Variants in ADAMTS17 observed in about 807,000 individuals in gnomAD.
ADAMTS17 encodes A disintegrin and metalloproteinase with thrombospondin motifs 17.
Under a neutral mutation model 141.5 loss-of-function variants are expected in ADAMTS17, and 113 were observed. The ratio of observed to expected loss-of-function variants is 0.80; its 90% CI spans 0.69 to 0.93. ADAMTS17 has a LOEUF of 0.93. Among genes scored for constraint, ADAMTS17 ranks in the 40% least tolerant of loss-of-function variants. The probability of loss-of-function intolerance (pLI) is 0.00; values close to 1 mark genes in which losing one functional copy is unlikely to be tolerated. For synonymous variants in ADAMTS17, 768 were observed against 630.6 expected (o/e 1.22, Z -3.27); for missense variants, 1,659 against 1,517.9 (o/e 1.09, Z -1.54).
chr15:100,027,112 C>T (rs985717843), intron 18 of ADAMTS17, among the ~76,000 whole-genome samples: 5 of 152,168 alleles, frequency 3.3e-5, no homozygotes, highest in African/African-American at 9.7e-5. Context: ...AGTACTCATA[C>T]CTTTGTAAAA....
chr15:100,214,914 A>G (rs2041923192), intron 7 of ADAMTS17, among the ~76,000 whole-genome samples: 1 of 152,268 alleles, frequency 6.6e-6, no homozygotes, highest in East Asian at 1.9e-4. Flanking sequence ...TGACAAGTTC[A>G]TTACTGCCCT....
Position 100,281,304 on chromosome 15 carries a change from C to T in ADAMTS17, c.714G>A (p.Val238=). 1 of 1,609,810 alleles carries T rather than the reference C, an allele frequency of 6.2e-7. No homozygotes were observed. The highest frequency in any genetic ancestry group is 8.5e-7 in the Non-Finnish European group (1 of 1,179,998). ...LTSEHTVETL[V]VADADMVQYH... ...ACTGCACCATGTCGGCGTCGGCCAC[C>T]ACCAGGGTCTCCACCGTGTGCTCGC... The change falls in exon 4 of 22, where the codon GTG becomes GTA. Residue 238 remains valine (V), a synonymous_variant. Transcript: ENST00000268070.
At chr15:100,155,107 G>A (rs777752248) in intron 9 of ADAMTS17, 73 bp downstream of exon 9, 3 of 1,607,952 alleles carry the variant, frequency 1.9e-6, no homozygotes, top group Non-Finnish European at 1.7e-6. Context: ...CACACTTGCT[G>A]AGACTCCAAT....
At chr15:100,323,776 CTGTG>C (rs1209917779) in intron 3 of ADAMTS17, among the ~76,000 whole-genome samples, 1 of 152,124 alleles carries the variant, frequency 6.6e-6, no homozygotes, top group Non-Finnish European at 1.5e-5. Flanking sequence ...GAAGACATGA[CTGTG>C]AGTGATAAAT....
rs372097810 is a variant in ADAMTS17 at position 100,281,353 on chromosome 15, C to T, written c.665G>A (p.Arg222Gln). 7.3e-5 allele frequency: 117 copies of T among 1,610,294 alleles called. No homozygotes were observed. The highest frequency in any genetic ancestry group is 3.1e-4 in the African/African-American group (23 of 74,916). Residue 222 changes from arginine to glutamine, a missense_variant, in exon 4 of 22, where the codon CGG (arginine) becomes CAG (glutamine). Coordinates refer to ENST00000268070, the MANE Select transcript of ADAMTS17 (RefSeq NM_139057.4). ...WGRPSRDWRE[R>Q]RNAIRLTSEH... ...GCTGGTGAGCCGGATAGCGTTCCTC[C>T]GCTCCCGCCAGTCCCGCGAAGGCCT...
At chr15:100,007,550 T>TGGAAGACTCTTAA (rs1159629061) in intron 18 of ADAMTS17, among the ~76,000 whole-genome samples, 5 of 152,028 alleles carry the variant, frequency 3.3e-5, no homozygotes, top group Admixed American at 2.0e-4. Context: ...CCTCCCTGGT[T>TGGAAGACTCTTAA]GGAAGACTCT....
At chr15:100,003,136 A>G (rs11636047) in intron 18 of ADAMTS17, among the ~76,000 whole-genome samples, 76,955 of 151,450 alleles carry the variant, frequency 0.51, 20,140 homozygotes, top group Non-Finnish European at 0.57. Context: ...CAACCCCACC[A>G]TGGGGGACCT....
At chr15:100,209,057 A>G (rs372098456) in intron 7 of ADAMTS17, among the ~76,000 whole-genome samples, 15 of 140,280 alleles carry the variant, frequency 1.1e-4, no homozygotes, top group East Asian at 4.5e-4. Context: ...TTATAGCCGT[A>G]TTTCTAAAGG....
At chr15:100,094,070 T>A (rs1395980328) in intron 15 of ADAMTS17, among the ~76,000 whole-genome samples, 1 of 149,626 alleles carries the variant, frequency 6.7e-6, no homozygotes. Context: ...GGTCACAGAC[T>A]CCAGCTGTGA....
intron 13 of ADAMTS17, among the ~76,000 whole-genome samples, chr15:100,115,579 G>T (rs919012842): frequency 6.6e-6 from 1 of 152,172 alleles, no homozygotes; most frequent in African/African-American, 2.4e-5. Flanking sequence ...GATGGGTCAG[G>T]CTGTTAGACT....
rs1254536264 is a variant in ADAMTS17, at chr15:100,158,805, C to G, written c.1182-3485G>C. Among the ~76,000 whole-genome samples, 4 of 152,224 alleles carry G rather than the reference C, an allele frequency of 2.6e-5. No individual in the cohort carries two copies. The East Asian group carries it at 7.7e-4, about 29-fold the overall frequency. On this transcript the variant is annotated intron_variant, in intron 8 of 21. Transcript: ENST00000268070. ...AACTAACAACCCAGTTAAAAATGGG[C>G]TAAAGACTTGAGAAGACGTTTCTCT...
intron 3 of ADAMTS17, chr15:100,306,648 G>A: frequency 2.2e-6 from 1 of 448,930 alleles, no homozygotes; most frequent in Non-Finnish European, 4.5e-6. Flanking sequence ...TATTAAAATG[G>A]CAATTTCAAA....
chr15:100,169,521 C>T (rs2040079295), intron 8 of ADAMTS17, among the ~76,000 whole-genome samples: 1 of 152,170 alleles, frequency 6.6e-6, no homozygotes, highest in African/African-American at 2.4e-5. Flanking sequence ...GGAACTGAGG[C>T]CAGGAGAAGT....
intron 18 of ADAMTS17, among the ~76,000 whole-genome samples, chr15:100,021,768 T>C (rs2061410963): frequency 6.6e-6 from 1 of 152,182 alleles, no homozygotes; most frequent in African/African-American, 2.4e-5. Flanking sequence ...GGAACAAGCC[T>C]TGTCGCCCTG....
chr15:100,283,957 T>G (rs1399856832), intron 3 of ADAMTS17, among the ~76,000 whole-genome samples: 1 of 152,080 alleles, frequency 6.6e-6, no homozygotes, highest in Non-Finnish European at 1.5e-5. Flanking sequence ...ATTACAAAAA[T>G]TAGCCAGGCA....
chr15:100,103,944 G>T (rs536138256), intron 14 of ADAMTS17, among the ~76,000 whole-genome samples: 1 of 152,130 alleles, frequency 6.6e-6, no homozygotes, highest in African/African-American at 2.4e-5. Context: ...TTAATGAGAC[G>T]TACTTCCTTC....
At chr15:100,239,381 C>T (rs1193569059) in intron 7 of ADAMTS17, among the ~76,000 whole-genome samples, 1 of 152,226 alleles carries the variant, frequency 6.6e-6, no homozygotes, top group Non-Finnish European at 1.5e-5. Flanking sequence ...GTCTTTCCTA[C>T]CTGTCAATAA....
chr15:100,038,778 C>T (rs2030987253), intron 18 of ADAMTS17, among the ~76,000 whole-genome samples: 5 of 152,156 alleles, frequency 3.3e-5, no homozygotes, highest in Admixed American at 6.5e-5. Flanking sequence ...AGTTTTACTT[C>T]TTCTATTCAA....
intron 15 of ADAMTS17, among the ~76,000 whole-genome samples, chr15:100,084,201 C>CAAAT (rs2034938334): frequency 6.6e-6 from 1 of 152,188 alleles, no homozygotes; most frequent in Non-Finnish European, 1.5e-5. Context: ...TTATATCCCG[C>CAAAT]GCATGGCTGG....
Sources: gnomAD v4.1 joint callset for allele counts (sites outside exome capture counted in the v4.1 genomes callset) on GRCh38, gnomAD v4.1.1 for gene constraint, MANE v1.5 for transcripts, NCBI Gene and HGNC (gene_info 2026-07-23, HGNC 2026-07-21) for gene names.